PCDHGA4: variants seen among roughly 807,000 people sequenced by gnomAD.
The protein encoded by PCDHGA4 is protocadherin gamma subfamily A, 4, also known as protocadherin gamma-A4.
PCDHGA4 carries 38 observed loss-of-function variants against 54.6 expected under a neutral mutation model. The ratio of observed to expected loss-of-function variants is 0.70; its 90% CI spans 0.54 to 0.91. The LOEUF is 0.91. Ranked by LOEUF, PCDHGA4 falls within the 40% of genes least tolerant of loss-of-function variation. The pLI is 0.00. For synonymous variants in PCDHGA4, 511 were observed against 512.9 expected, an observed-to-expected ratio of 1.00 and a Z score of 0.05; for missense variants, 1,298 against 1,220.9, an observed-to-expected ratio of 1.06 and a Z score of -0.94.
At position 141,383,079 on chromosome 5, in the gene PCDHGA4, G is replaced by A. The variant is rs770794066; in HGVS notation, c.2514+25458G>A. 4 of 1,613,906 alleles carry A rather than the reference G, an allele frequency of 2.5e-6. No individual in the cohort carries two copies. In the South Asian group the frequency reaches 4.4e-5, roughly 18 times the overall value. ...TGGGGCTGGAGCCCCGGGAGCTGGC[G>A]GAGCGCGGAGTCCGCATCATCTCCA... is the stretch of plus-strand genomic sequence containing the variant. On this transcript the variant is annotated intron_variant, in intron 1 of 3. Transcript: ENST00000571252.
At chr5:141,443,874 A>G (rs2098409122) in intron 1 of PCDHGA4, among the ~76,000 whole-genome samples, 1 of 152,190 alleles carries the variant, frequency 6.6e-6, no homozygotes, top group Non-Finnish European at 1.5e-5. Flanking sequence ...AATTACTGAT[A>G]AGTCAAGAGA....
chr5:141,418,945 A>G, intron 1 of PCDHGA4: 3 of 1,614,062 alleles, frequency 1.9e-6, no homozygotes, highest in Non-Finnish European at 2.5e-6. Flanking sequence ...ATTCCCCTCC[A>G]GGAGTGGTTG....
intron 1 of PCDHGA4, chr5:141,387,595 A>C (rs191053839): frequency 6.0e-5 from 32 of 532,776 alleles, no homozygotes; most frequent in Admixed American, 2.6e-4. Flanking sequence ...AACTTGAAGC[A>C]GCAGAGGCTG....
At chr5:141,409,125 A>AT in intron 1 of PCDHGA4, 1 of 1,613,982 alleles carries the variant, frequency 6.2e-7, no homozygotes, top group African/African-American at 1.3e-5. Flanking sequence ...CAGTCATTTG[A>AT]TTTTGAAGAT....
intron 1 of PCDHGA4, chr5:141,478,798 T>G: frequency 6.8e-7 from 1 of 1,463,780 alleles, no homozygotes. Flanking sequence ...TCCTCAGCAC[T>G]CTTTTGCTAT....
intron 1 of PCDHGA4, chr5:141,414,421 A>C (rs1250470349): frequency 6.2e-7 from 1 of 1,613,894 alleles, no homozygotes; most frequent in East Asian, 2.2e-5. Context: ...AGCCCTTGAC[A>C]GGGAACAGGT....
At chr5:141,393,528 G>A in intron 1 of PCDHGA4, 7 of 1,613,988 alleles carry the variant, frequency 4.3e-6, no homozygotes, top group East Asian at 4.5e-5. Context: ...AAATGACAAT[G>A]CCCCGGTTTT....
rs768907590 is a variant in PCDHGA4, at chr5:141,422,045, G to C, written c.2514+64424G>C. Reference sequence around the variant, plus strand: ...GTTAATGCAACGGATCCAGACGAGGGAATCAACGGGGAAGTAATGTATTCA... The same window carrying C: ...GTTAATGCAACGGATCCAGACGAGGCAATCAACGGGGAAGTAATGTATTCA... On this transcript the variant is annotated intron_variant, in intron 1 of 3. Transcript: ENST00000571252. 1.5e-5 allele frequency: 24 copies of C among 1,611,434 alleles called. No individual in the cohort carries two copies. The Admixed American group carries it at 3.9e-4, about 26-fold the overall frequency.
chr5:141,365,411 C>T (rs1763897064), intron 1 of PCDHGA4: 1 of 1,613,994 alleles, frequency 6.2e-7, no homozygotes, highest in South Asian at 1.1e-5. Context: ...TGAAGACTGT[C>T]TTCCCGGAAC....
intron 1 of PCDHGA4, chr5:141,426,793 A>G: frequency 2.2e-6 from 1 of 456,734 alleles, no homozygotes; most frequent in South Asian, 1.5e-5. Context: ...CAGAGTTACC[A>G]GCTCAGTTCT....
intron 1 of PCDHGA4, chr5:141,385,131 C>T (rs371376308): frequency 4.3e-6 from 7 of 1,614,082 alleles, no homozygotes; most frequent in Admixed American, 1.7e-5. Flanking sequence ...TGGGCATGGA[C>T]GGGGTGCAGG....
At chr5:141,359,668 C>T (rs979057333) in intron 1 of PCDHGA4, among the ~76,000 whole-genome samples, 3 of 151,898 alleles carry the variant, frequency 2.0e-5, no homozygotes, top group Non-Finnish European at 4.4e-5. Context: ...TATAAAAATC[C>T]GTTGCCCTAT....
chr5:141,482,086 T>C (rs1435200188), intron 1 of PCDHGA4, among the ~76,000 whole-genome samples: 6 of 93,070 alleles, frequency 6.4e-5, no homozygotes, highest in African/African-American at 3.7e-4. Flanking sequence ...ACTCACTCCA[T>C]CTCAAAAAAA....
intron 1 of PCDHGA4, chr5:141,409,769 G>C (rs1413636372): frequency 1.2e-6 from 2 of 1,612,776 alleles, no homozygotes; most frequent in Non-Finnish European, 1.7e-6. Context: ...CTTTGATCAC[G>C]AGCAGCTGCG....
At position 141,510,842 on chromosome 5, in the gene PCDHGA4, G is replaced by A. The variant is rs531098325; in HGVS notation, c.2663-105G>A. 8.7e-5 allele frequency: 138 copies of A among 1,590,280 alleles called. No homozygotes were observed. The African/African-American group carries it at 1.7e-3, about 19-fold the overall frequency. ...TATTCCCAGTGCTCAGCGTGGTCAA[G>A]GCCCAGGGTGCTGTATAGGCATTCA... On this transcript the variant is annotated intron_variant, in intron 3 of 3. Coordinates refer to ENST00000571252, the MANE Select transcript of PCDHGA4 (RefSeq NM_018917.4).
intron 1 of PCDHGA4, chr5:141,370,622 C>T: frequency 1.9e-6 from 3 of 1,613,902 alleles, no homozygotes; most frequent in Non-Finnish European, 2.5e-6. Context: ...AATTCTTTAC[C>T]GTGAGCCCCG....
Position 141,486,567 on chromosome 5 carries a change from C to T in PCDHGA4, c.2515-8240C>T, listed in dbSNP as rs1562113360. On this transcript the variant is annotated intron_variant, in intron 1 of 3. Transcript: ENST00000571252. The surrounding 1 kb of genome is among the most constrained non-coding windows in gnomAD (Gnocchi z 5.0). ...CAGAGGTCACATGAGGTGTTTGTTCCTGAGAACAATCGCCCAGGGGACCTG... is the reference window on the plus strand; with the variant it reads ...CAGAGGTCACATGAGGTGTTTGTTCTTGAGAACAATCGCCCAGGGGACCTG... The T allele has an allele frequency of 6.2e-7, 1 of 1,613,918 alleles. No homozygotes were observed. The highest frequency in any genetic ancestry group is 8.5e-7 in the Non-Finnish European group (1 of 1,179,986).
intron 1 of PCDHGA4, chr5:141,421,458 T>C (rs2096575080): frequency 6.2e-7 from 1 of 1,614,122 alleles, no homozygotes; most frequent in Non-Finnish European, 8.5e-7. Flanking sequence ...AGCTTTTCGC[T>C]GTGAATCCGC....
chr5:141,371,660 C>A, intron 1 of PCDHGA4: 1 of 1,614,032 alleles, frequency 6.2e-7, no homozygotes. Context: ...ATGTGACGAT[C>A]ACAGCTACCG....
Sources: allele counts gnomAD v4.1 joint callset (sites outside exome capture counted in the v4.1 genomes callset), GRCh38; gene constraint gnomAD v4.1.1; non-coding constraint Gnocchi (gnomAD v3.1); transcripts MANE v1.5; gene names NCBI Gene and HGNC (gene_info 2026-07-23, HGNC 2026-07-21).